Variants in ZNF92 observed in about 807,000 individuals in gnomAD.
ZNF92 encodes the protein epididymis luminal protein 203.
In ZNF92, 11 loss-of-function variants were observed where a neutral mutation model predicts 12.4. The observed-to-expected ratio is 0.89, with a 90% CI of 0.56 to 1.47. The LOEUF (loss-of-function observed/expected upper bound fraction) is 1.47, where lower values mean the gene tolerates loss of function less well. Among genes scored for constraint, ZNF92 ranks in the 40% most tolerant of loss-of-function variants. The pLI, the probability that ZNF92 is intolerant of heterozygous loss-of-function variation, is 0.00. For synonymous variants in ZNF92, 206 were observed against 228.6 expected, an observed-to-expected ratio of 0.90 and a Z score of 0.89; for missense variants, 622 against 681.0, an observed-to-expected ratio of 0.91 and a Z score of 0.96.
At position 65,388,825 on chromosome 7, in the gene ZNF92, A is replaced by C. The variant is rs201710160; in HGVS notation, c.150A>C (p.Pro50=). 575 of 1,583,580 alleles carry C rather than the reference A, an allele frequency of 3.6e-4. 3 individuals are homozygous for C. The highest frequency in any genetic ancestry group is 4.4e-4 in the Non-Finnish European group (506 of 1,162,016). The change falls in exon 3 of 4, where the codon CCA becomes CCC. Residue 50 remains proline, a synonymous_variant. Transcript: ENST00000328747. ...AAACAGGTATTGCTGTCTCTAAGCC[A>C]GACCTGATCACCTGGCTGGAGCAAG... ...LVFLGIAVSK[P]DLITWLEQGK...
intron 1 of ZNF92, among the ~76,000 whole-genome samples, chr7:65,387,395 A>G (rs1172740551): frequency 6.6e-6 from 1 of 151,952 alleles, no homozygotes; most frequent in African/African-American, 2.4e-5. Context: ...GGGAAAACCC[A>G]CACTCCTCCC....
At chr7:65,380,463 A>G (rs974873176) in intron 1 of ZNF92, among the ~76,000 whole-genome samples, 1 of 151,996 alleles carries the variant, frequency 6.6e-6, no homozygotes, top group Non-Finnish European at 1.5e-5. Context: ...GTACAGACAG[A>G]GTTTTGCCAT....
chr7:65,382,908 T>TG (rs1793462112), intron 1 of ZNF92, among the ~76,000 whole-genome samples: 1 of 152,130 alleles, frequency 6.6e-6, no homozygotes, highest in Non-Finnish European at 1.5e-5. Flanking sequence ...AATTGTGTCT[T>TG]TCTCTCTCCT....
intron 3 of ZNF92, among the ~76,000 whole-genome samples, chr7:65,392,702 A>G (rs1793746631): frequency 6.6e-6 from 1 of 151,722 alleles, no homozygotes; most frequent in Non-Finnish European, 1.5e-5. Flanking sequence ...ATGCCTGGCT[A>G]ATTTTGTATT....
chr7:65,383,832 A>G (rs1191052319), intron 1 of ZNF92, among the ~76,000 whole-genome samples: 1 of 152,134 alleles, frequency 6.6e-6, no homozygotes, highest in Non-Finnish European at 1.5e-5. Flanking sequence ...TGCCTGGCTT[A>G]CTACTGGGCC....
intron 3 of ZNF92, among the ~76,000 whole-genome samples, chr7:65,391,419 G>A (rs973239148): frequency 1.3e-5 from 2 of 151,692 alleles, no homozygotes; most frequent in Non-Finnish European, 2.9e-5. Flanking sequence ...CAGACCTTTG[G>A]GACAATATGC....
Position 65,385,855 on chromosome 7 carries a change from A to G in ZNF92, c.4-2047A>G, listed in dbSNP as rs566853000. On this transcript the variant is annotated intron_variant, in intron 1 of 3. Transcript: ENST00000328747. ...GGAAGAGAAAGAGGAAAAAATGGCTATTTTTCCGCTAAAAGTGTCTCAGAT... is the reference window on the plus strand; with the variant it reads ...GGAAGAGAAAGAGGAAAAAATGGCTGTTTTTCCGCTAAAAGTGTCTCAGAT... 4.6e-5 allele frequency among the ~76,000 whole-genome samples: 7 copies of G among 151,824 alleles called. 1 individual carries two copies. The East Asian group carries it at 1.2e-3, about 25-fold the overall frequency.
In ZNF92 at chr7:65,400,140, C is replaced by T. The variant is rs1793974272; in HGVS notation, c.*265C>T. On this transcript the variant is annotated 3_prime_UTR_variant, in exon 4 of 4. Coordinates refer to ENST00000328747, the MANE Select transcript of ZNF92 (RefSeq NM_152626.4). Reference sequence around the variant, plus strand: ...TATGGAAAAGCCATTTATATCTGCTCACATGTAAAAACATCAGTTCATACT... The same window carrying T: ...TATGGAAAAGCCATTTATATCTGCTTACATGTAAAAACATCAGTTCATACT... 4 of 299,862 alleles carry T rather than the reference C, an allele frequency of 1.3e-5. No homozygotes were observed. The highest frequency in any genetic ancestry group is 8.0e-5 in the South Asian group (1 of 12,562). 18.6% of individuals were successfully genotyped at this position (299,862 alleles called of 1,614,324 possible).
chr7:65,376,887 A>G (rs1437187606), intron 1 of ZNF92, among the ~76,000 whole-genome samples: 1 of 152,162 alleles, frequency 6.6e-6, no homozygotes, highest in Non-Finnish European at 1.5e-5. Context: ...AAAATATGGT[A>G]GATAATTGGT....
intron 1 of ZNF92, among the ~76,000 whole-genome samples, chr7:65,376,711 C>G (rs929461109): frequency 6.6e-6 from 1 of 152,152 alleles, no homozygotes; most frequent in Admixed American, 6.5e-5. Flanking sequence ...TCCCAAAATG[C>G]TGGGATTACA....
In ZNF92 at chr7:65,374,040, G is replaced by A. The variant is rs372009198; in HGVS notation, c.3+40G>A. 36 of 1,614,000 alleles carry A rather than the reference G, an allele frequency of 2.2e-5. 1 individual carries two copies. The African/African-American group carries it at 4.5e-4, about 20-fold the overall frequency. On this transcript the variant is annotated intron_variant, in intron 1 of 3. Coordinates refer to ENST00000328747, the MANE Select transcript of ZNF92 (RefSeq NM_152626.4). ...TCCCACATCCCGAGAGAGGGGGAGG[G>A]TCTGGCTGGAACCGATTGGAAGTGG...
intron 1 of ZNF92, among the ~76,000 whole-genome samples, chr7:65,380,830 C>T (rs900759182): frequency 6.6e-6 from 1 of 152,194 alleles, no homozygotes; most frequent in East Asian, 1.9e-4. Flanking sequence ...TAAGCATTCT[C>T]TTTACCCTGC....
At chr7:65,375,763 G>T (rs993505671) in intron 1 of ZNF92, among the ~76,000 whole-genome samples, 1 of 151,686 alleles carries the variant, frequency 6.6e-6, no homozygotes, top group Non-Finnish European at 1.5e-5. Flanking sequence ...CAGGGGAATC[G>T]CTTGAACCCG....
intron 1 of ZNF92, among the ~76,000 whole-genome samples, chr7:65,377,496 TGAGGCAGTTTCTA>T (rs1793276519): frequency 1.3e-5 from 2 of 152,142 alleles, no homozygotes; most frequent in African/African-American, 2.4e-5. Context: ...GTCATTGTTT[TGAGGCAGTTTCTA>T]GAGGCAGTTT....
chr7:65,397,409 CATTT>C (rs71049127), intron 3 of ZNF92, among the ~76,000 whole-genome samples: 43,789 of 151,572 alleles, frequency 0.29, 7,292 homozygotes, highest in Middle Eastern at 0.4. Flanking sequence ...TTGTTATCCT[CATTT>C]ATCTGATTTT....
At chr7:65,388,334 AAAATT>A (rs1179250717) in intron 2 of ZNF92, 1 of 171,452 alleles carries the variant, frequency 5.8e-6, no homozygotes, top group Non-Finnish European at 1.1e-5. Flanking sequence ...AGTATTAAAT[AAAATT>A]AAAGATCTAC....
At position 65,399,431 on chromosome 7, in the gene ZNF92, T is replaced by C; in HGVS notation, c.1317T>C (p.Ala439=). ...KCGKAFSWSS[A]FTKHKRNHME... Reference sequence around the variant, plus strand: ...GCAAGGCCTTTAGCTGGTCCTCAGCTTTTACTAAACATAAGAGAAATCATA... The same window carrying C: ...GCAAGGCCTTTAGCTGGTCCTCAGCCTTTACTAAACATAAGAGAAATCATA... Residue 439 remains alanine (A), a synonymous_variant, in exon 4 of 4, where the codon GCT becomes GCC. Coordinates refer to ENST00000328747, the MANE Select transcript of ZNF92 (RefSeq NM_152626.4). 3.7e-6 allele frequency: 6 copies of C among 1,611,666 alleles called. No homozygotes were observed. Among genetic ancestry groups the C allele is most frequent in the Non-Finnish European group, 5.1e-6 (6 of 1,179,366 alleles).
In ZNF92 at chr7:65,399,093, A is replaced by G. The variant is rs1194592281; in HGVS notation, c.979A>G (p.Ile327Val). The G allele has an allele frequency of 1.2e-6, 2 of 1,612,796 alleles. No individual in the cohort carries two copies. The highest frequency in any genetic ancestry group is 8.5e-7 in the Non-Finnish European group (1 of 1,179,368). The change falls in exon 4 of 4, where the codon ATT becomes GTT. Residue 327 changes from isoleucine (I) to valine (V), a missense_variant. Ile to Val is a conservative substitution (Grantham distance 29). Transcript: ENST00000328747. Reference sequence around the variant, plus strand: ...TGGCAAAGCCTTTAGAGTATTCTCAATTCTTAAAAAACATAAGATAATCCA... The same window carrying G: ...TGGCAAAGCCTTTAGAGTATTCTCAGTTCTTAAAAAACATAAGATAATCCA... Reference protein sequence around the residue: ...ECGKAFRVFSILKKHKIIHTG... With the variant: ...ECGKAFRVFSVLKKHKIIHTG...
intron 3 of ZNF92, among the ~76,000 whole-genome samples, chr7:65,390,988 T>G (rs1409517863): frequency 6.6e-6 from 1 of 151,938 alleles, no homozygotes; most frequent in Non-Finnish European, 1.5e-5. Flanking sequence ...TGGGCCATTT[T>G]CTGGTCTGTA....
Sources: gnomAD v4.1 joint callset for allele counts (sites outside exome capture counted in the v4.1 genomes callset) on GRCh38, gnomAD v4.1.1 for gene constraint, MANE v1.5 for transcripts, NCBI Gene and HGNC (gene_info 2026-07-23, HGNC 2026-07-21) for gene names.